Variants in SHOC2 observed in about 807,000 individuals in gnomAD.
SHOC2 encodes leucine-rich repeat protein SHOC-2.
Under a neutral mutation model 50.2 loss-of-function variants are expected in SHOC2, and 4 were observed. The observed-to-expected ratio is 0.08, with a 90% confidence interval of 0.04 to 0.18. SHOC2 has a LOEUF of 0.18. SHOC2 is among the 10% of genes least tolerant of loss of function. The pLI, the probability that SHOC2 is intolerant of heterozygous loss-of-function variation, is 1.00. For missense variants in SHOC2, 388 were observed against 669.6 expected (o/e 0.58, Z 4.64); for synonymous variants, 218 against 244.5 (o/e 0.89, Z 1.01).
At chr10:110,994,131 C>T (rs1179002247) in intron 3 of SHOC2, among the ~76,000 whole-genome samples, 1 of 151,910 alleles carries the variant, frequency 6.6e-6, no homozygotes, top group Non-Finnish European at 1.5e-5. Context: ...TAAAGGTTAG[C>T]TGCCTCATTT....
At chr10:111,000,345 T>C in intron 3 of SHOC2, 70 bp from the exon 4 acceptor site, 1 of 1,469,016 alleles carries the variant, frequency 6.8e-7, no homozygotes, top group Non-Finnish European at 9.5e-7. Flanking sequence ...AGTTAGTAGA[T>C]AGCCTGTGAC....
chr10:110,987,103 C>T (rs1040910483), intron 3 of SHOC2, among the ~76,000 whole-genome samples: 1 of 152,120 alleles, frequency 6.6e-6, no homozygotes, highest in South Asian at 2.1e-4. Flanking sequence ...ATAACTTAGC[C>T]TTTTAGCTGC....
At chr10:110,978,184 C>T (rs958798491) in intron 2 of SHOC2, among the ~76,000 whole-genome samples, 27 of 152,192 alleles carry the variant, frequency 1.8e-4, no homozygotes, top group African/African-American at 6.3e-4. Context: ...TCCTGTGATA[C>T]AAGGGAATAC....
At chr10:111,001,073 T>TTA (rs1848362946) in intron 4 of SHOC2, among the ~76,000 whole-genome samples, 1 of 151,326 alleles carries the variant, frequency 6.6e-6, no homozygotes, top group South Asian at 2.1e-4. Context: ...TTTTTTTTTT[T>TTA]AACACATTTT....
intron 2 of SHOC2, among the ~76,000 whole-genome samples, chr10:110,972,175 T>C (rs1424560339): frequency 6.6e-6 from 1 of 151,056 alleles, no homozygotes; most frequent in Non-Finnish European, 1.5e-5. Context: ...ATAAAAAGTA[T>C]AGTATTTTCA....
intron 1 of SHOC2, among the ~76,000 whole-genome samples, chr10:110,922,517 TACAA>T (rs1846675355): frequency 6.6e-6 from 1 of 152,084 alleles, no homozygotes; most frequent in African/African-American, 2.4e-5. Context: ...AACTAAAAGA[TACAA>T]ACTCTATATG....
intron 1 of SHOC2, among the ~76,000 whole-genome samples, chr10:110,955,407 A>G (rs548973507): frequency 1.3e-5 from 2 of 152,350 alleles, no homozygotes; most frequent in African/African-American, 4.8e-5. Flanking sequence ...TTTTACTGAA[A>G]TGGAGCAGTT....
rs1489785616 is a variant in SHOC2, at chr10:110,964,112, T to C, written c.-234-13T>C. On this transcript the variant is annotated splice_polypyrimidine_tract_variant and intron_variant, in intron 1 of 8. Transcript: ENST00000369452. The surrounding 1 kb of genome is among the most constrained non-coding windows in gnomAD (Gnocchi z 4.9). ...ATCTAAAGTAATTTAATACTGTCTA[T>C]ATTATATTTCAGGAACTCTAATGAA... 1 of 557,800 alleles carries C rather than the reference T, an allele frequency of 1.8e-6. No individual in the cohort carries two copies. The highest frequency in any genetic ancestry group is 2.9e-5 in the East Asian group (1 of 34,430). 34.6% of individuals were successfully genotyped at this position (557,800 alleles called of 1,614,324 possible). A position where few individuals can be genotyped will look rare whatever the true frequency, so the allele number is the denominator to read the frequency against.
chr10:110,945,316 T>G (rs1251407977), intron 1 of SHOC2, among the ~76,000 whole-genome samples: 1 of 152,190 alleles, frequency 6.6e-6, no homozygotes, highest in Non-Finnish European at 1.5e-5. Context: ...AAGCTTTGAA[T>G]GAGCTACAAC....
chr10:110,930,227 A>G (rs2134074917), intron 1 of SHOC2, among the ~76,000 whole-genome samples: 1 of 152,324 alleles, frequency 6.6e-6, no homozygotes, highest in East Asian at 1.9e-4. Context: ...GACCATATAA[A>G]TGTAAGAAAC....
At chr10:110,948,188 AT>A in intron 1 of SHOC2, among the ~76,000 whole-genome samples, 1 of 152,236 alleles carries the variant, frequency 6.6e-6, no homozygotes, top group Non-Finnish European at 1.5e-5. Context: ...TTGTAAATAT[AT>A]ATACACTCAA....
intron 1 of SHOC2, among the ~76,000 whole-genome samples, chr10:110,960,892 G>T (rs1055649043): frequency 8.5e-5 from 13 of 152,082 alleles, no homozygotes; most frequent in Non-Finnish European, 1.8e-4. Context: ...GGTCAGGCTG[G>T]TCTCGAACTC....
At chr10:110,974,489 T>A (rs931365895) in intron 2 of SHOC2, among the ~76,000 whole-genome samples, 1 of 152,192 alleles carries the variant, frequency 6.6e-6, no homozygotes, top group Admixed American at 6.5e-5. Flanking sequence ...TATACCTTTT[T>A]CTATCTTTTT....
At chr10:110,924,007 T>C (rs1446819861) in intron 1 of SHOC2, among the ~76,000 whole-genome samples, 2 of 152,202 alleles carry the variant, frequency 1.3e-5, no homozygotes, top group Non-Finnish European at 2.9e-5. Flanking sequence ...GTTAATTTGA[T>C]CAGTTACATT....
At chr10:110,981,233 C>G (rs11195393) in intron 2 of SHOC2, among the ~76,000 whole-genome samples, 3 of 152,066 alleles carry the variant, frequency 2.0e-5, no homozygotes, top group Non-Finnish European at 4.4e-5. Flanking sequence ...AGTCTTTTTA[C>G]GAATTGTAAG....
intron 1 of SHOC2, among the ~76,000 whole-genome samples, chr10:110,953,065 C>T (rs190951628): frequency 6.6e-6 from 1 of 152,174 alleles, no homozygotes; most frequent in African/African-American, 2.4e-5. Flanking sequence ...GATTTATACT[C>T]CTTTGGCTAT....
At chr10:110,954,848 G>A (rs1847428074) in intron 1 of SHOC2, among the ~76,000 whole-genome samples, 1 of 152,110 alleles carries the variant, frequency 6.6e-6, no homozygotes, top group African/African-American at 2.4e-5. Flanking sequence ...ACACAGACAA[G>A]GGCTTGAGGT....
intron 3 of SHOC2, among the ~76,000 whole-genome samples, chr10:110,987,580 A>G (rs1460532827): frequency 1.3e-5 from 2 of 152,226 alleles, no homozygotes; most frequent in Non-Finnish European, 2.9e-5. Flanking sequence ...TTAATATCCA[A>G]AATAAATATT....
chr10:110,946,289 A>G (rs901597869), intron 1 of SHOC2, among the ~76,000 whole-genome samples: 4 of 151,134 alleles, frequency 2.6e-5, no homozygotes, highest in Admixed American at 6.6e-5. Context: ...TAAAGAAGAA[A>G]TTTATTCTAA....
Sources: gnomAD v4.1 joint callset for allele counts (sites outside exome capture counted in the v4.1 genomes callset) on GRCh38, gnomAD v4.1.1 for gene constraint, Gnocchi (gnomAD v3.1) non-coding constraint, MANE v1.5 for transcripts, NCBI Gene and HGNC (gene_info 2026-07-23, HGNC 2026-07-21) for gene names.